Variants in ROBO1 observed in about 807,000 individuals in gnomAD.
The protein encoded by ROBO1 is roundabout guidance receptor 1, also known as roundabout homolog 1.
In ROBO1, 149 loss-of-function variants were observed where a neutral mutation model predicts 195.9. The ratio of observed to expected loss-of-function variants is 0.76; its 90% CI spans 0.67 to 0.87. The LOEUF (loss-of-function observed/expected upper bound fraction) is 0.87, where lower values mean the gene tolerates loss of function less well. ROBO1 is among the 40% of genes least tolerant of loss of function. The probability of loss-of-function intolerance (pLI) is 0.00; values close to 1 mark genes in which losing one functional copy is unlikely to be tolerated. For missense variants in ROBO1, 1,933 were observed against 2,068.3 expected (o/e 0.93, Z 1.27); for synonymous variants, 816 against 733.2 (o/e 1.11, Z -1.82).
At position 78,931,622 on chromosome 3, in the gene ROBO1, T is replaced by C. The variant is rs76575189; in HGVS notation, c.499+6979A>G. The stretch of plus-strand genomic sequence containing the variant: ...TTTATCCACCAAGGGTATTTAACCA[T>C]GTTTTATTCTAACCTGACAAATCTA... On this transcript the variant is annotated intron_variant, in intron 4 of 30. Transcript: ENST00000464233. Among the ~76,000 whole-genome samples, 1,105 of 152,256 alleles carry C rather than the reference T, an allele frequency of 7.3e-3. 12 individuals carry two copies. The highest frequency in any genetic ancestry group is 0.026 in the African/African-American group (1,071 of 41,534).
intron 3 of ROBO1, among the ~76,000 whole-genome samples, chr3:78,962,241 C>T (rs1055901884): frequency 6.6e-6 from 1 of 152,146 alleles, no homozygotes; most frequent in Non-Finnish European, 1.5e-5. Flanking sequence ...GGCAAAGTGC[C>T]TGTGCTTCAA....
intron 2 of ROBO1, among the ~76,000 whole-genome samples, chr3:79,143,899 C>T (rs540042416): frequency 1.3e-5 from 2 of 152,076 alleles, no homozygotes; most frequent in Admixed American, 1.3e-4. Context: ...ATCTATTATC[C>T]ATATCCACAT....
chr3:79,506,712 G>A (rs1940418977), intron 2 of ROBO1, among the ~76,000 whole-genome samples: 1 of 152,162 alleles, frequency 6.6e-6, no homozygotes, highest in Non-Finnish European at 1.5e-5. Context: ...CAAAGTGCTG[G>A]GATTACAGGC....
intron 4 of ROBO1, among the ~76,000 whole-genome samples, chr3:78,907,302 CA>C (rs1009733584): frequency 6.6e-6 from 1 of 151,552 alleles, no homozygotes; most frequent in Non-Finnish European, 1.5e-5. Context: ...ACAACAACAA[CA>C]AAAAAAACAA....
chr3:79,530,781 A>ACG (rs1941623104), intron 2 of ROBO1, among the ~76,000 whole-genome samples: 2 of 145,232 alleles, frequency 1.4e-5, no homozygotes, highest in South Asian at 4.5e-4. Context: ...ACACACACAC[A>ACG]CACACACACA....
At chr3:78,911,070 G>A (rs1003537813) in intron 4 of ROBO1, among the ~76,000 whole-genome samples, 7 of 151,956 alleles carry the variant, frequency 4.6e-5, no homozygotes, top group African/African-American at 1.4e-4. Flanking sequence ...TATAACCTGA[G>A]GAGAAAATTA....
intron 2 of ROBO1, among the ~76,000 whole-genome samples, chr3:79,172,808 C>T (rs553744536): frequency 2.0e-5 from 3 of 152,148 alleles, no homozygotes; most frequent in African/African-American, 7.2e-5. Flanking sequence ...GACATTTGTT[C>T]TTTTAGTTTA....
chr3:79,734,611 A>G (rs938981027), intron 1 of ROBO1, among the ~76,000 whole-genome samples: 1 of 152,198 alleles, frequency 6.6e-6, no homozygotes, highest in Non-Finnish European at 1.5e-5. Context: ...CTTGTGATTG[A>G]GAATAGAGCT....
rs745961841 is a variant in ROBO1, at chr3:78,600,246, G to T, written c.4808C>A (p.Ser1603Tyr). 6.2e-7 allele frequency: 1 copy of T among 1,613,318 alleles called. No individual in the cohort carries two copies. Among genetic ancestry groups the T allele is most frequent in the Non-Finnish European group, 8.5e-7 (1 of 1,179,382 alleles). The change falls in exon 30 of 31, where the codon TCC becomes TAC. Residue 1603 changes from serine (S) to tyrosine (Y), a missense_variant. This residue lies in a region of ROBO1 where 1,737 missense variants were observed against 1,882.5 expected (regional missense o/e 0.92). Transcript: ENST00000464233. ...TCCTCTTGATGACATTGAGCTTGAG[G>T]AACTGGGATCTCTGGGATTATTTGA... ...PTSNNPRDPS[S>Y]SSSMSSRGSG...
At chr3:78,790,721 C>G (rs1296722452) in intron 4 of ROBO1, among the ~76,000 whole-genome samples, 1 of 152,170 alleles carries the variant, frequency 6.6e-6, no homozygotes, top group Non-Finnish European at 1.5e-5. Flanking sequence ...AAGGAAGCTC[C>G]AAGACTTGTC....
chr3:78,788,106 A>G (rs866267483), intron 4 of ROBO1, among the ~76,000 whole-genome samples: 36 of 145,328 alleles, frequency 2.5e-4, no homozygotes, highest in Non-Finnish European at 3.9e-4. Context: ...CGCCCGACTG[A>G]TTTTGTTTTT....
intron 1 of ROBO1, among the ~76,000 whole-genome samples, chr3:79,678,763 G>T (rs1252924992): frequency 6.6e-6 from 1 of 152,056 alleles, no homozygotes; most frequent in Non-Finnish European, 1.5e-5. Context: ...AAGGAGCACG[G>T]ATTGCCAGCA....
At chr3:78,977,549 C>G (rs1416109448) in intron 3 of ROBO1, among the ~76,000 whole-genome samples, 1 of 151,024 alleles carries the variant, frequency 6.6e-6, no homozygotes, top group East Asian at 1.9e-4. Flanking sequence ...TTTTCATATT[C>G]TAACTGTAGC....
intron 2 of ROBO1, among the ~76,000 whole-genome samples, chr3:79,481,666 G>A (rs1409843323): frequency 1.3e-5 from 2 of 152,108 alleles, no homozygotes; most frequent in African/African-American, 2.4e-5. Flanking sequence ...ACCATTTTTA[G>A]TGCCAACATT....
intron 4 of ROBO1, among the ~76,000 whole-genome samples, chr3:78,789,661 T>C (rs1382010723): frequency 1.3e-5 from 2 of 152,196 alleles, no homozygotes; most frequent in African/African-American, 2.4e-5. Flanking sequence ...TTTTGTCTTA[T>C]GTAAAATCTG....
At chr3:79,256,652 C>T (rs942128259) in intron 2 of ROBO1, among the ~76,000 whole-genome samples, 2 of 152,028 alleles carry the variant, frequency 1.3e-5, no homozygotes, top group Admixed American at 6.6e-5. Context: ...TTGATGAACT[C>T]ATAAGACTTA....
chr3:78,807,190 G>A (rs1445853660), intron 4 of ROBO1, among the ~76,000 whole-genome samples: 1 of 152,168 alleles, frequency 6.6e-6, no homozygotes. Flanking sequence ...AATGTACAAG[G>A]AGTGGTAGGA....
chr3:79,762,471 T>C (rs1704747772), intron 1 of ROBO1, among the ~76,000 whole-genome samples: 1 of 134,818 alleles, frequency 7.4e-6, no homozygotes, highest in Non-Finnish European at 1.7e-5. Context: ...CATTATTAAA[T>C]GATCAGAAAG....
At chr3:79,699,071 A>G (rs1464513542) in intron 1 of ROBO1, among the ~76,000 whole-genome samples, 1 of 138,886 alleles carries the variant, frequency 7.2e-6, no homozygotes, top group African/African-American at 2.5e-5. Flanking sequence ...ACTAAGATAT[A>G]TATTTATTAA....
Sources: allele counts gnomAD v4.1 joint callset (sites outside exome capture counted in the v4.1 genomes callset), GRCh38; gene constraint gnomAD v4.1.1; regional missense constraint gnomAD v4.1.1; transcripts MANE v1.5; gene names NCBI Gene and HGNC (gene_info 2026-07-23, HGNC 2026-07-21).